The following ATP7B variants were observed in gnomAD, a reference collection of about 807,000 sequenced individuals.
ATP7B encodes copper-transporting ATPase 2.
In ATP7B, 113 loss-of-function variants were observed where a neutral mutation model predicts 118.9. The ratio of observed to expected loss-of-function variants is 0.95; its 90% CI spans 0.82 to 1.11. ATP7B has a LOEUF of 1.11. Among genes scored for constraint, ATP7B ranks in the 50% most tolerant of loss-of-function variants. The pLI is 0.00. For synonymous variants in ATP7B, 777 were observed against 727.4 expected, an observed-to-expected ratio of 1.07 and a Z score of -1.10; for missense variants, 1,867 against 1,871.4, an observed-to-expected ratio of 1.00 and a Z score of 0.04.
chr13:51,937,449 C>G, intron 18 of ATP7B, 27 bp downstream of exon 18: 1 of 1,614,150 alleles, frequency 6.2e-7, no homozygotes, highest in Non-Finnish European at 8.5e-7. Flanking sequence ...CTCCCAGCAC[C>G]CACAGCCTGG....
intron 1 of ATP7B, among the ~76,000 whole-genome samples, chr13:52,005,915 G>C (rs1001057070): frequency 1.1e-4 from 16 of 152,200 alleles, no homozygotes; most frequent in Middle Eastern, 3.2e-3. Flanking sequence ...CATGATGGCC[G>C]TAACGCCCAC....
Position 51,960,247 on chromosome 13 carries a change from G to C in ATP7B, c.2022C>G (p.Pro674=). 1 of 1,613,946 alleles carries C rather than the reference G, an allele frequency of 6.2e-7. No homozygotes were observed. The highest frequency in any genetic ancestry group is 8.5e-7 in the Non-Finnish European group (1 of 1,179,866). ...VMALMIYMLI[P]SNEPHQSMVL... ...CCATGGACTGGTGGGGCTCGTTGCT[G>C]GGTATCAGCATATAGATCATTAAGG... The change falls in exon 7 of 21, where the codon CCC becomes CCG. Residue 674 remains proline, a synonymous_variant. Coordinates refer to ENST00000242839, the MANE Select transcript of ATP7B (RefSeq NM_000053.4).
chr13:51,938,899 A>T, intron 17 of ATP7B, 152 bp downstream of exon 17: 1 of 1,252,570 alleles, frequency 8.0e-7, no homozygotes, highest in Non-Finnish European at 1.1e-6. Context: ...GTGCAACACT[A>T]CATGGCCACA....
At chr13:51,977,922 A>G (rs1952209027) in intron 1 of ATP7B, among the ~76,000 whole-genome samples, 1 of 152,258 alleles carries the variant, frequency 6.6e-6, no homozygotes, top group Admixed American at 6.5e-5. Context: ...TGGTATAACA[A>G]TATTAACAGA....
At chr13:51,961,536 A>G (rs1385276254) in intron 6 of ATP7B, among the ~76,000 whole-genome samples, 1 of 152,244 alleles carries the variant, frequency 6.6e-6, no homozygotes, top group Non-Finnish European at 1.5e-5. Flanking sequence ...AAAGGTAGCT[A>G]AATTGAAATT....
In ATP7B at chr13:51,974,209, A is replaced by G; in HGVS notation, c.1011T>C (p.Asp337=). 3 of 1,613,846 alleles carry G rather than the reference A, an allele frequency of 1.9e-6. No homozygotes were observed. Among genetic ancestry groups the G allele is most frequent in the Non-Finnish European group, 2.5e-6 (3 of 1,179,954 alleles). ...GGGAATGAGAACTGGAAGACCTGTG[A>G]TCTGTCCCACTCCCTTCGGCTCCAT... is the stretch of plus-strand genomic sequence containing the variant. The part of the protein sequence containing the change: ...LPDGAEGSGT[D]HRSSSSHSPG... Residue 337 remains aspartate, a synonymous_variant, in exon 2 of 21, where the codon GAT becomes GAC. Transcript: ENST00000242839.
intron 8 of ATP7B, chr13:51,957,872 C>G (rs1469024259): frequency 2.0e-6 from 1 of 507,898 alleles, no homozygotes; most frequent in Non-Finnish European, 3.6e-6. Context: ...TCCCACTGAC[C>G]ATTTTCTTTT....
intron 1 of ATP7B, among the ~76,000 whole-genome samples, chr13:51,978,205 G>T (rs1241336933): frequency 6.6e-6 from 1 of 151,926 alleles, no homozygotes; most frequent in Non-Finnish European, 1.5e-5. Context: ...ATAAAAAACT[G>T]GGGGAAAAAA....
chr13:51,970,797 T>C (rs747344649), intron 2 of ATP7B, 48 bp from the exon 3 acceptor site: 12 of 1,597,460 alleles, frequency 7.5e-6, no homozygotes, highest in African/African-American at 2.7e-5. Context: ...GCAAATAATA[T>C]GTTTTTCAGA....
chr13:51,974,168 C>T lies in ATP7B; in HGVS notation c.1052G>A (p.Arg351Lys), dbSNP rs1274742599. The part of the protein sequence containing the change: ...SSSHSPGSPP[R>K]NQVQGTCSTT... ...ACTGCATGTGCCCTGGACCTGGTTT[C>T]TCGGTGGGGAGCCAGGGGAATGAGA... Residue 351 changes from arginine to lysine, a missense_variant, in exon 2 of 21, where the codon AGA (arginine) becomes AAA (lysine). Coordinates refer to ENST00000242839, the MANE Select transcript of ATP7B (RefSeq NM_000053.4). The T allele has an allele frequency of 2.5e-6, 4 of 1,614,048 alleles. No homozygotes were observed. In the South Asian group the frequency reaches 3.3e-5, roughly 13 times the overall value.
chr13:51,948,930 A>G (rs1213967928), intron 12 of ATP7B, among the ~76,000 whole-genome samples: 2 of 152,228 alleles, frequency 1.3e-5, no homozygotes, highest in Non-Finnish European at 2.9e-5. Flanking sequence ...CTGAAATCCC[A>G]GCACTTTAGG....
At chr13:51,994,017 T>C (rs371210569) in intron 1 of ATP7B, among the ~76,000 whole-genome samples, 16 of 152,184 alleles carry the variant, frequency 1.1e-4, no homozygotes, top group African/African-American at 3.9e-4. Context: ...ACTTCAGATA[T>C]AGGCTGGAAA....
At chr13:51,985,327 T>C (rs935547829) in intron 1 of ATP7B, among the ~76,000 whole-genome samples, 7 of 152,194 alleles carry the variant, frequency 4.6e-5, no homozygotes, top group Non-Finnish European at 8.8e-5. Flanking sequence ...AGAAGGGCCT[T>C]ACATAATGGT....
At chr13:51,978,085 C>T (rs750290) in intron 1 of ATP7B, among the ~76,000 whole-genome samples, 60,947 of 152,022 alleles carry the variant, frequency 0.4, 13,516 homozygotes, top group East Asian at 0.54. Context: ...TGAGAAAAGC[C>T]TAAATATGAC....
intron 1 of ATP7B, among the ~76,000 whole-genome samples, chr13:52,005,181 C>G (rs769272044): frequency 1.1e-4 from 16 of 152,228 alleles, no homozygotes; most frequent in Non-Finnish European, 1.9e-4. Context: ...GTCATTCTTC[C>G]CAGCAGCCTT....
intron 1 of ATP7B, chr13:51,978,693 A>G (rs1020914710): frequency 4.6e-5 from 7 of 152,264 alleles, no homozygotes; most frequent in African/African-American, 1.7e-4. Flanking sequence ...GTAATGAAAT[A>G]AGCTGATATC....
At chr13:52,008,435 T>G (rs913622501) in intron 1 of ATP7B, among the ~76,000 whole-genome samples, 1 of 152,132 alleles carries the variant, frequency 6.6e-6, no homozygotes, top group Admixed American at 6.5e-5. Flanking sequence ...TCTCCAGAGG[T>G]TGGAGCACGG....
chr13:51,997,788 A>G (rs1196230384), intron 1 of ATP7B, among the ~76,000 whole-genome samples: 2 of 152,252 alleles, frequency 1.3e-5, no homozygotes, highest in Non-Finnish European at 2.9e-5. Flanking sequence ...GCTGGATCAC[A>G]GCAGGTGACA....
chr13:51,983,337 A>T (rs1010342681), intron 1 of ATP7B, among the ~76,000 whole-genome samples: 3 of 152,192 alleles, frequency 2.0e-5, no homozygotes, highest in African/African-American at 7.2e-5. Flanking sequence ...AGCTCAGCAA[A>T]GCTACTGTAG....
Sources: allele counts gnomAD v4.1 joint callset (sites outside exome capture counted in the v4.1 genomes callset), GRCh38; gene constraint gnomAD v4.1.1; transcripts MANE v1.5; gene names NCBI Gene and HGNC (gene_info 2026-07-23, HGNC 2026-07-21).